Variants in RANBP2 observed in about 807,000 individuals in gnomAD.
RANBP2 encodes the protein RAN binding protein 2, also known as E3 SUMO-protein ligase RanBP2.
Under a neutral mutation model 303.6 loss-of-function variants are expected in RANBP2, and 57 were observed. That is an observed-to-expected ratio of 0.19 (90% CI 0.15 to 0.23). RANBP2 has a LOEUF of 0.23. RANBP2 is among the 10% of genes least tolerant of loss of function. The pLI is 1.00. For synonymous variants in RANBP2, 1,167 were observed against 1,301.5 expected (o/e 0.90, Z 2.23); for missense variants, 3,138 against 3,780.8 (o/e 0.83, Z 4.46).
At chr2:108,800,638 T>TTTTTTTTTTTTTTTA in the RANBP2 span, among the ~76,000 whole-genome samples, 5 of 73,772 alleles carry the variant, frequency 6.8e-5, 1 homozygote, top group African/African-American at 2.3e-4. Flanking sequence ...TTTTTTTTTT[T>TTTTTTTTTTTTTTTA]AATTATACTT....
At chr2:109,333,204 T>A in the RANBP2 span, among the ~76,000 whole-genome samples, 17,933 of 152,268 alleles carry the variant, frequency 0.12, 1,256 homozygotes, top group East Asian at 0.25. Flanking sequence ...TGGACTTACC[T>A]GTATCTATCA....
chr2:108,874,997 T>G, the RANBP2 span, among the ~76,000 whole-genome samples: 1 of 152,130 alleles, frequency 6.6e-6, no homozygotes, highest in East Asian at 1.9e-4. Flanking sequence ...CATGATGTGT[T>G]TGTAGCTTAG....
At chr2:109,655,507 A>C in the RANBP2 span, among the ~76,000 whole-genome samples, 1 of 152,104 alleles carries the variant, frequency 6.6e-6, no homozygotes, top group African/African-American at 2.4e-5. Context: ...GAGGGGAGCA[A>C]ACTTGGAGGG....
chr2:109,490,868 T>A, the RANBP2 span: 2 of 1,534,958 alleles, frequency 1.3e-6, no homozygotes, highest in Non-Finnish European at 1.7e-6. Context: ...ACTTCACATC[T>A]CCTTCCCGGC....
the RANBP2 span, among the ~76,000 whole-genome samples, chr2:109,074,109 G>T: frequency 6.6e-6 from 1 of 150,864 alleles, no homozygotes; most frequent in African/African-American, 2.4e-5. Flanking sequence ...GTTCATACCT[G>T]TAATCCCAAC....
chr2:109,386,943 A>T, the RANBP2 span, among the ~76,000 whole-genome samples: 1 of 152,176 alleles, frequency 6.6e-6, no homozygotes, highest in Non-Finnish European at 1.5e-5. Flanking sequence ...ACTCCAGCCT[A>T]ATCTGCTTTT....
In RANBP2 at chr2:108,731,345, A is replaced by C. The variant is rs753793368; in HGVS notation, c.276A>C (p.Thr92=). Reference sequence around the variant, plus strand: ...AGCGTTCAGTGGAATTAAACCCAACACAAAAAGATCTTGTGTTGAAGATTG... The same window carrying C: ...AGCGTTCAGTGGAATTAAACCCAACCCAAAAAGATCTTGTGTTGAAGATTG... The part of the protein sequence containing the change: ...CYRRSVELNP[T]QKDLVLKIAE... The change falls in exon 4 of 29, where the codon ACA becomes ACC. Residue 92 remains threonine, a synonymous_variant. Transcript: ENST00000283195. 4 of 1,611,312 alleles carry C rather than the reference A, an allele frequency of 2.5e-6. No individual in the cohort carries two copies. In the South Asian group the frequency reaches 4.4e-5, roughly 18 times the overall value.
the RANBP2 span, among the ~76,000 whole-genome samples, chr2:109,575,934 C>T: frequency 1.3e-5 from 2 of 152,142 alleles, no homozygotes; most frequent in African/African-American, 4.8e-5. Flanking sequence ...AGGACTGAGA[C>T]AGTATCTTAT....
At chr2:108,741,495 C>CTTTTTTT (rs34872068) in intron 7 of RANBP2, among the ~76,000 whole-genome samples, 1 of 61,798 alleles carries the variant, frequency 1.6e-5, no homozygotes, top group Non-Finnish European at 2.8e-5. Flanking sequence ...TGCGCCTGGC[C>CTTTTTTT]TTTTTTTTTT....
chr2:108,760,138 A>T (rs1157697759), intron 18 of RANBP2, among the ~76,000 whole-genome samples: 6 of 152,168 alleles, frequency 3.9e-5, no homozygotes, highest in Non-Finnish European at 8.8e-5. Context: ...TTTAAAAATA[A>T]GATGATTAAA....
At chr2:109,406,327 A>C in the RANBP2 span, among the ~76,000 whole-genome samples, 1 of 152,144 alleles carries the variant, frequency 6.6e-6, no homozygotes, top group Non-Finnish European at 1.5e-5. Flanking sequence ...TTTTAGAAAA[A>C]TTTCCTCATA....
the RANBP2 span, among the ~76,000 whole-genome samples, chr2:109,580,066 A>T: frequency 4.6e-5 from 7 of 152,192 alleles, no homozygotes; most frequent in East Asian, 1.4e-3. Context: ...GGTTGCAATG[A>T]GCCTAGATCG....
the RANBP2 span, among the ~76,000 whole-genome samples, chr2:108,994,698 G>A: frequency 1.3e-5 from 2 of 151,766 alleles, no homozygotes; most frequent in Admixed American, 1.3e-4. Flanking sequence ...GGGGATTATG[G>A]GGTCATGGGA....
At chr2:109,093,406 T>TAAAAAAAAAAAAAAAAAAAAAA in the RANBP2 span, among the ~76,000 whole-genome samples, 10 of 90,696 alleles carry the variant, frequency 1.1e-4, no homozygotes, top group Non-Finnish European at 1.5e-4. Flanking sequence ...CGGAGATTTG[T>TAAAAAAAAAAAAAAAAAAAAAA]AAAAAAAAAA....
the RANBP2 span, among the ~76,000 whole-genome samples, chr2:109,331,341 C>A: frequency 6.6e-6 from 1 of 152,144 alleles, no homozygotes; most frequent in Non-Finnish European, 1.5e-5. Context: ...GCCACCTGGC[C>A]TGTTTTCCTG....
chr2:109,765,330 C>T, the RANBP2 span, among the ~76,000 whole-genome samples: 2 of 149,322 alleles, frequency 1.3e-5, no homozygotes, highest in African/African-American at 4.9e-5. Flanking sequence ...CATGAAATAA[C>T]GCTTATTACT....
the RANBP2 span, among the ~76,000 whole-genome samples, chr2:108,836,729 AT>A: frequency 1.3e-5 from 2 of 151,804 alleles, no homozygotes; most frequent in Non-Finnish European, 2.9e-5. Flanking sequence ...GTGTCTTTTA[AT>A]TTTTTTCATC....
the RANBP2 span, among the ~76,000 whole-genome samples, chr2:109,421,056 A>G: frequency 6.6e-6 from 1 of 152,224 alleles, no homozygotes; most frequent in East Asian, 1.9e-4. Context: ...ATCTCCTGCC[A>G]TGCTCCTAGC....
At chr2:109,216,751 GCATA>G in the RANBP2 span, among the ~76,000 whole-genome samples, 1 of 152,184 alleles carries the variant, frequency 6.6e-6, no homozygotes, top group South Asian at 2.1e-4. Flanking sequence ...ATTTAAATTG[GCATA>G]CAAATATATT....
Sources: gnomAD v4.1 joint callset for allele counts (sites outside exome capture counted in the v4.1 genomes callset) on GRCh38, gnomAD v4.1.1 for gene constraint, MANE v1.5 for transcripts, NCBI Gene and HGNC (gene_info 2026-07-23, HGNC 2026-07-21) for gene names.